The following CPPED1 variants were observed in gnomAD, a reference collection of about 807,000 sequenced individuals.
CPPED1 encodes the protein serine/threonine-protein phosphatase CPPED1.
Under a neutral mutation model 28.0 loss-of-function variants are expected in CPPED1, and 28 were observed. The ratio of observed to expected loss-of-function variants is 1.00; its 90% CI spans 0.74 to 1.37. The LOEUF is 1.37. Ranked by LOEUF, CPPED1 falls within the 40% of genes most tolerant of loss-of-function variation. CPPED1 has a pLI of 0.00. For synonymous variants in CPPED1, 198 were observed against 180.2 expected (o/e 1.10, Z -0.79); for missense variants, 504 against 416.5 (o/e 1.21, Z -1.83).
intron 2 of CPPED1, among the ~76,000 whole-genome samples, chr16:12,770,785 G>A (rs187947317): frequency 0.01 from 1,535 of 151,646 alleles, 18 homozygotes; most frequent in Non-Finnish European, 0.017. Context: ...TCGCGCCATT[G>A]CACTCCAGCC....
chr16:12,725,303 C>A (rs2080164187), intron 2 of CPPED1, among the ~76,000 whole-genome samples: 2 of 152,074 alleles, frequency 1.3e-5, no homozygotes, highest in Admixed American at 6.5e-5. Flanking sequence ...CCATGTTGGC[C>A]AGGGTGGTCT....
At chr16:12,792,565 C>G (rs1235042343) in intron 1 of CPPED1, among the ~76,000 whole-genome samples, 4 of 152,138 alleles carry the variant, frequency 2.6e-5, no homozygotes, top group Non-Finnish European at 5.9e-5. Context: ...ACACCCTATA[C>G]TTCCTGATAT....
chr16:12,781,447 A>G (rs781167595), intron 1 of CPPED1, 44 bp from the exon 2 acceptor site: 1 of 1,578,286 alleles, frequency 6.3e-7, no homozygotes. Flanking sequence ...ATCTTGTAAA[A>G]TCTGTCATAA....
intron 1 of CPPED1, among the ~76,000 whole-genome samples, chr16:12,785,997 C>G (rs547731517): frequency 6.6e-6 from 1 of 151,592 alleles, no homozygotes; most frequent in African/African-American, 2.4e-5. Context: ...CCTTTCCTAG[C>G]TTAAATATGA....
At chr16:12,774,010 T>C (rs1567303133) in intron 2 of CPPED1, among the ~76,000 whole-genome samples, 1 of 152,200 alleles carries the variant, frequency 6.6e-6, no homozygotes, top group Non-Finnish European at 1.5e-5. Context: ...CAGCAACAGA[T>C]GACAGCAGGC....
chr16:12,700,882 C>G (rs1447060188), intron 3 of CPPED1, among the ~76,000 whole-genome samples: 3 of 152,060 alleles, frequency 2.0e-5, no homozygotes, highest in Non-Finnish European at 4.4e-5. Flanking sequence ...ATAAGAGAAG[C>G]TGAAGAACCT....
chr16:12,784,771 A>G (rs1361714017), intron 1 of CPPED1, among the ~76,000 whole-genome samples: 1 of 152,228 alleles, frequency 6.6e-6, no homozygotes, highest in Non-Finnish European at 1.5e-5. Flanking sequence ...TCAACCTTCT[A>G]CAACAGAGTT....
In CPPED1 at chr16:12,709,252, G is replaced by C. The variant is rs2080067528; in HGVS notation, c.290-4203C>G. ...TATATAAAGGACAGGAAGAAAGGCA[G>C]GGAAACAAGGGGAAAGACTCTGAAA... is the stretch of plus-strand genomic sequence containing the variant. On this transcript the variant is annotated intron_variant, in intron 2 of 3. Coordinates refer to ENST00000381774, the MANE Select transcript of CPPED1 (RefSeq NM_018340.3). This position sits in a 1 kb window ranked among gnomAD's most constrained non-coding sequence, Gnocchi z 4.4. Among the ~76,000 whole-genome samples the C allele has an allele frequency of 1.3e-5, 2 of 152,158 alleles. No individual in the cohort carries two copies. Among genetic ancestry groups the C allele is most frequent in the Admixed American group, 1.3e-4 (2 of 15,270 alleles).
At chr16:12,686,726 C>T (rs1004411658) in intron 3 of CPPED1, among the ~76,000 whole-genome samples, 3 of 152,116 alleles carry the variant, frequency 2.0e-5, no homozygotes, top group Non-Finnish European at 2.9e-5. Flanking sequence ...GAGAACCAGA[C>T]GACAGACATG....
chr16:12,731,967 AG>A (rs1298981570), intron 2 of CPPED1, among the ~76,000 whole-genome samples: 1 of 152,046 alleles, frequency 6.6e-6, no homozygotes, highest in African/African-American at 2.4e-5. Context: ...GTTGGAGACC[AG>A]CCTGGCCAAA....
chr16:12,673,763 G>A (rs1431169370), intron 3 of CPPED1, among the ~76,000 whole-genome samples: 1 of 152,178 alleles, frequency 6.6e-6, no homozygotes, highest in South Asian at 2.1e-4. Flanking sequence ...CAATAAAGAT[G>A]AGGCCGGGTG....
chr16:12,757,342 A>T (rs2080377146), intron 2 of CPPED1: 1 of 152,102 alleles, frequency 6.6e-6, no homozygotes, highest in East Asian at 1.9e-4. Flanking sequence ...GCATTACTAC[A>T]AATTTGAAGG....
chr16:12,692,281 T>C (rs181840464), intron 3 of CPPED1, among the ~76,000 whole-genome samples: 76 of 152,132 alleles, frequency 5.0e-4, no homozygotes, highest in African/African-American at 1.7e-3. Context: ...GTCCCCGGTG[T>C]GGTGAACAGA....
At chr16:12,784,973 C>T (rs75499438) in intron 1 of CPPED1, among the ~76,000 whole-genome samples, 8,402 of 152,188 alleles carry the variant, frequency 0.055, 779 homozygotes, top group African/African-American at 0.19. Context: ...CTAAAATAAA[C>T]GACAGCTCAC....
rs1039961480 is a variant in CPPED1, at chr16:12,768,026, C to A, written c.289+13159G>T. Among the ~76,000 whole-genome samples, 7 of 152,272 alleles carry A rather than the reference C, an allele frequency of 4.6e-5. No individual in the cohort carries two copies. The South Asian group carries it at 1.5e-3, about 32-fold the overall frequency. ...ACTTAGTGCCCCAGAAGGAAAGTTT[C>A]ATAAAAATTTTCTTTAAAGATAAGA... On this transcript the variant is annotated intron_variant, in intron 2 of 3. Transcript: ENST00000381774.
At chr16:12,711,633 A>T (rs750834589) in intron 2 of CPPED1, among the ~76,000 whole-genome samples, 3 of 152,138 alleles carry the variant, frequency 2.0e-5, no homozygotes, top group Non-Finnish European at 4.4e-5. Flanking sequence ...GGCTGGAAGC[A>T]GACACATTCA....
At chr16:12,694,619 C>T (rs1205171855) in intron 3 of CPPED1, among the ~76,000 whole-genome samples, 2 of 149,784 alleles carry the variant, frequency 1.3e-5, no homozygotes, top group South Asian at 4.2e-4. Flanking sequence ...ATAGGCCAAA[C>T]GTGGGAAAAT....
chr16:12,756,194 C>T (rs972919865), intron 2 of CPPED1, among the ~76,000 whole-genome samples: 2 of 151,888 alleles, frequency 1.3e-5, no homozygotes, highest in African/African-American at 2.4e-5. Flanking sequence ...TATAATGACA[C>T]GTCCACAAGA....
At chr16:12,667,572 A>G (rs994977659) in intron 3 of CPPED1, among the ~76,000 whole-genome samples, 6 of 152,220 alleles carry the variant, frequency 3.9e-5, no homozygotes, top group Non-Finnish European at 8.8e-5. Context: ...TGGGCAATGT[A>G]GCAAGACCCC....
Sources: allele counts gnomAD v4.1 joint callset (sites outside exome capture counted in the v4.1 genomes callset), GRCh38; gene constraint gnomAD v4.1.1; non-coding constraint Gnocchi (gnomAD v3.1); transcripts MANE v1.5; gene names NCBI Gene and HGNC (gene_info 2026-07-23, HGNC 2026-07-21).